VPS13A: variants seen among roughly 807,000 people sequenced by gnomAD.
VPS13A encodes vacuolar protein sorting 13 homolog A, also known as intermembrane lipid transfer protein VPS13A.
In VPS13A, 264 loss-of-function variants were observed where a neutral mutation model predicts 390.9. That is an observed-to-expected ratio of 0.68 (90% CI 0.61 to 0.75). The LOEUF (loss-of-function observed/expected upper bound fraction) is 0.75. VPS13A is among the 30% of genes least tolerant of loss of function. VPS13A has a pLI of 0.00. For synonymous variants in VPS13A, 1,231 were observed against 1,227.1 expected, an observed-to-expected ratio of 1.00 and a Z score of -0.07; for missense variants, 3,409 against 3,733.9, an observed-to-expected ratio of 0.91 and a Z score of 2.27.
chr9:77,301,577 T>C (rs1828356392), intron 33 of VPS13A, among the ~76,000 whole-genome samples: 2 of 152,242 alleles, frequency 1.3e-5, no homozygotes, highest in Non-Finnish European at 2.9e-5. Context: ...CATGGTGTTA[T>C]ATCTTAGTTT....
intron 33 of VPS13A, among the ~76,000 whole-genome samples, chr9:77,297,878 T>C (rs1451556130): frequency 2.0e-5 from 3 of 151,750 alleles, no homozygotes; most frequent in Non-Finnish European, 4.4e-5. Context: ...AAACTAGAGG[T>C]TGGAAGGATA....
At chr9:77,233,282 G>A (rs545864534) in intron 17 of VPS13A, among the ~76,000 whole-genome samples, 102 of 151,648 alleles carry the variant, frequency 6.7e-4, no homozygotes, top group Non-Finnish European at 1.2e-3. Flanking sequence ...ATAGATATTT[G>A]CATCTTTAGT....
chr9:77,340,389 A>ATT lies in VPS13A; in HGVS notation c.6880-7_6880-6dup, dbSNP rs140476942. On this transcript the variant is annotated splice_polypyrimidine_tract_variant and intron_variant, in intron 49 of 71. Coordinates refer to ENST00000360280, the MANE Select transcript of VPS13A (RefSeq NM_033305.3). ...ATACATAACAGTTTTTGAGCTGTTA[A>ATT]TTTTTTTTTCTTAGGTTGGTGTCAC... The ATT allele has an allele frequency of 2.1e-5, 34 of 1,607,002 alleles. No homozygotes were observed. Among genetic ancestry groups the ATT allele is most frequent in the African/African-American group, 6.7e-5 (5 of 74,560 alleles).
At chr9:77,415,306 T>C (rs1564004766) in intron 71 of VPS13A, among the ~76,000 whole-genome samples, 2 of 152,214 alleles carry the variant, frequency 1.3e-5, no homozygotes, top group Admixed American at 1.3e-4. Flanking sequence ...GATTCAGTTA[T>C]CTTTGTCTCC....
rs111283640 is a variant in VPS13A at position 77,299,402 on chromosome 9, A to G, written c.3813-3513A>G. ...CCATCTCACACCAGTTAGAATGGCA[A>G]TCATTAAAAAGTCAGGAAACAACAG... On this transcript the variant is annotated intron_variant, in intron 33 of 71. Transcript: ENST00000360280. Among the ~76,000 whole-genome samples the G allele has an allele frequency of 1.6e-3, 245 of 152,302 alleles. 1 individual carries two copies. The highest frequency in any genetic ancestry group is 5.3e-3 in the African/African-American group (220 of 41,568).
chr9:77,419,586 T>A lies in VPS13A; in HGVS notation c.*3580T>A, dbSNP rs939846253. 6.6e-6 allele frequency: 1 copy of A among 152,186 alleles called. No homozygotes were observed. Among genetic ancestry groups the A allele is most frequent in the Non-Finnish European group, 1.5e-5 (1 of 68,034 alleles). 9.4% of individuals were successfully genotyped at this position (152,186 alleles called of 1,614,324 possible). On this transcript the variant is annotated 3_prime_UTR_variant, in exon 72 of 72. Coordinates refer to ENST00000360280, the MANE Select transcript of VPS13A (RefSeq NM_033305.3). ...TTTGAGTGAGAAGATGGAATCACTCTTGGTTTCTAAAATATTTTTCTTCTC... is the reference window on the plus strand; with the variant it reads ...TTTGAGTGAGAAGATGGAATCACTCATGGTTTCTAAAATATTTTTCTTCTC...
intron 55 of VPS13A, among the ~76,000 whole-genome samples, chr9:77,357,316 CA>C (rs1156801817): frequency 0.12 from 5,376 of 43,800 alleles, 45 homozygotes; most frequent in East Asian, 0.33. Context: ...GACTCTGTCT[CA>C]AAAAAAAAAA....
In VPS13A at chr9:77,403,276, C is replaced by T. The variant is rs1182638097; in HGVS notation, c.9230C>T (p.Thr3077Ile). The change falls in exon 69 of 72, where the codon ACC (threonine) becomes ATC (isoleucine). Residue 3077 changes from threonine to isoleucine, a missense_variant. Around this residue, in one of 5 missense-constraint regions of VPS13A, gnomAD observed 318 missense variants for 333.7 expected, o/e 0.95. Transcript: ENST00000360280. ...AGATTTGCAAAATACAAATATTTTA[C>T]CCATGTCATGATCAATAAGACAGAT... is the stretch of plus-strand genomic sequence containing the variant. Reference protein sequence around the residue: ...NGRFAKYKYFTHVMINKTDML... With the variant: ...NGRFAKYKYFIHVMINKTDML... 6.2e-7 allele frequency: 1 copy of T among 1,612,294 alleles called. No homozygotes were observed. The highest frequency in any genetic ancestry group is 8.5e-7 in the Non-Finnish European group (1 of 1,179,572).
intron 67 of VPS13A, among the ~76,000 whole-genome samples, chr9:77,381,512 A>G (rs1209797889): frequency 6.6e-6 from 1 of 152,184 alleles, no homozygotes; most frequent in Admixed American, 6.5e-5. Context: ...TAAGATTTTC[A>G]AAAACAGTAA....
At position 77,391,555 on chromosome 9, in the gene VPS13A, A is replaced by T. The variant is rs1434544461; in HGVS notation, c.9189+9468A>T. Among the ~76,000 whole-genome samples, 4 of 152,132 alleles carry T rather than the reference A, an allele frequency of 2.6e-5. No homozygotes were observed. The East Asian group carries it at 7.7e-4, about 29-fold the overall frequency. On this transcript the variant is annotated intron_variant, in intron 68 of 71. Coordinates refer to ENST00000360280, the MANE Select transcript of VPS13A (RefSeq NM_033305.3). The stretch of plus-strand genomic sequence containing the variant: ...GATATCCTAGTCACTTCTAATGATG[A>T]CTCTAATGAATTGTAATGGTAATTT...
At chr9:77,356,954 G>C in intron 55 of VPS13A, 87 bp downstream of exon 55, 1 of 1,473,794 alleles carries the variant, frequency 6.8e-7, no homozygotes, top group South Asian at 1.2e-5. Context: ...GGAAAGTTTG[G>C]CTTCCTTATA....
chr9:77,263,973 G>A (rs1277810309), intron 23 of VPS13A, among the ~76,000 whole-genome samples: 1 of 152,132 alleles, frequency 6.6e-6, no homozygotes, highest in Non-Finnish European at 1.5e-5. Flanking sequence ...TGGCTAGCCA[G>A]TTTTCCCAAC....
chr9:77,300,303 C>T (rs1256187609), intron 33 of VPS13A, among the ~76,000 whole-genome samples: 2 of 152,096 alleles, frequency 1.3e-5, no homozygotes, highest in Non-Finnish European at 2.9e-5. Flanking sequence ...ATCTTTATTA[C>T]ATCAGTACTT....
rs150030654 is a variant in VPS13A at position 77,265,485 on chromosome 9, G to A, written c.2427+5261G>A. 8.4e-3 allele frequency among the ~76,000 whole-genome samples: 1,285 copies of A among 152,220 alleles called. 10 individuals carry two copies. The highest frequency in any genetic ancestry group is 0.014 in the South Asian group (67 of 4,818). On this transcript the variant is annotated intron_variant, in intron 23 of 71. Coordinates refer to ENST00000360280, the MANE Select transcript of VPS13A (RefSeq NM_033305.3). Reference sequence around the variant, plus strand: ...GCCTCAATTTCGGAACTTGTTATTGGTCTATTCAGGGATTCGACTTCTTCC... The same window carrying A: ...GCCTCAATTTCGGAACTTGTTATTGATCTATTCAGGGATTCGACTTCTTCC...
intron 23 of VPS13A, among the ~76,000 whole-genome samples, chr9:77,260,967 C>T (rs933311439): frequency 3.3e-5 from 5 of 151,774 alleles, no homozygotes; most frequent in East Asian, 2.0e-4. Flanking sequence ...GGCGCAATCT[C>T]GGCTCACTGC....
rs966757263 is a variant in VPS13A at position 77,357,718 on chromosome 9, C to T, written c.7833C>T (p.Asn2611=). ...TTCGCCTAACCCCTACTGGTCATAA[C>T]ATGAAAATTCTGCAGCCGCATGTAA... is the stretch of plus-strand genomic sequence containing the variant. ...VPVRLTPTGH[N]MKILQPHVIA... is the part of the protein sequence containing the mutation. Residue 2611 remains asparagine, a synonymous_variant, in exon 56 of 72, where the codon AAC becomes AAT. Coordinates refer to ENST00000360280, the MANE Select transcript of VPS13A (RefSeq NM_033305.3). 3 of 1,613,954 alleles carry T rather than the reference C, an allele frequency of 1.9e-6. No individual in the cohort carries two copies. The highest frequency in any genetic ancestry group is 2.2e-5 in the East Asian group (1 of 44,834).
chr9:77,298,531 T>G (rs993153680), intron 33 of VPS13A, among the ~76,000 whole-genome samples: 2 of 152,164 alleles, frequency 1.3e-5, no homozygotes, highest in African/African-American at 4.8e-5. Context: ...GTGTATCATT[T>G]TTTTTTCATG....
intron 13 of VPS13A, among the ~76,000 whole-genome samples, chr9:77,224,094 A>G (rs1434712182): frequency 1.3e-5 from 2 of 152,178 alleles, no homozygotes; most frequent in African/African-American, 2.4e-5. Context: ...TGTTTACAAC[A>G]TTTTAAACCC....
intron 23 of VPS13A, among the ~76,000 whole-genome samples, chr9:77,269,904 T>A (rs1167520565): frequency 6.6e-6 from 1 of 152,192 alleles, no homozygotes; most frequent in Non-Finnish European, 1.5e-5. Flanking sequence ...TTGACTGGTG[T>A]CTTTATAAGA....
Sources: allele counts gnomAD v4.1 joint callset (sites outside exome capture counted in the v4.1 genomes callset), GRCh38; gene constraint gnomAD v4.1.1; regional missense constraint gnomAD v4.1.1; transcripts MANE v1.5; gene names NCBI Gene and HGNC (gene_info 2026-07-23, HGNC 2026-07-21).